SLC2A1: variants seen among roughly 807,000 people sequenced by gnomAD.
SLC2A1 encodes solute carrier family 2, facilitated glucose transporter member 1.
SLC2A1 carries 4 observed loss-of-function variants against 46.6 expected under a neutral mutation model. The observed-to-expected ratio is 0.09, with a 90% CI of 0.04 to 0.20. SLC2A1 has a LOEUF of 0.20. SLC2A1 is among the 10% of genes least tolerant of loss of function. The pLI is 1.00. For missense variants in SLC2A1, 352 were observed against 667.0 expected (o/e 0.53, Z 5.20); for synonymous variants, 253 against 270.0 (o/e 0.94, Z 0.62).
At chr1:42,934,422 G>T (rs979494386) in intron 2 of SLC2A1, among the ~76,000 whole-genome samples, 1 of 152,208 alleles carries the variant, frequency 6.6e-6, no homozygotes, top group Non-Finnish European at 1.5e-5. Flanking sequence ...TGATGCCTGA[G>T]ATTTCTGGGA....
chr1:42,946,353 A>G (rs1643655249), intron 1 of SLC2A1, among the ~76,000 whole-genome samples: 1 of 152,208 alleles, frequency 6.6e-6, no homozygotes, highest in African/African-American at 2.4e-5. Context: ...TCTAGGTCTC[A>G]TGCTAAGTAG....
intron 2 of SLC2A1, among the ~76,000 whole-genome samples, chr1:42,940,149 T>C (rs1404819495): frequency 6.6e-6 from 1 of 152,088 alleles, no homozygotes; most frequent in Non-Finnish European, 1.5e-5. Flanking sequence ...AGCCATACCA[T>C]CATTCCAAAC....
At chr1:42,939,793 C>T (rs56935581) in intron 2 of SLC2A1, among the ~76,000 whole-genome samples, 38,162 of 151,752 alleles carry the variant, frequency 0.25, 5,201 homozygotes, top group African/African-American at 0.35. Flanking sequence ...ACTAAAAACA[C>T]AAAAATTAGC....
rs1468713844 is a variant in SLC2A1 at position 42,925,364 on chromosome 1, G to A, written c.*1677C>T. ...AAACTTCTCCCAGATTTTGTCAGCTGAGCCTCTAGAGACAAATATCTTTGG... is the reference window on the plus strand; with the variant it reads ...AAACTTCTCCCAGATTTTGTCAGCTAAGCCTCTAGAGACAAATATCTTTGG... On this transcript the variant is annotated 3_prime_UTR_variant, in exon 10 of 10. Transcript: ENST00000426263. 2 of 152,192 alleles carry A rather than the reference G, an allele frequency of 1.3e-5. No individual in the cohort carries two copies. The highest frequency in any genetic ancestry group is 4.8e-5 in the African/African-American group (2 of 41,436). 9.4% of individuals were successfully genotyped at this position (152,192 alleles called of 1,614,324 possible). A position where few individuals can be genotyped will look rare whatever the true frequency, so the allele number is the denominator to read the frequency against.
Position 42,955,159 on chromosome 1 carries a change from A to G in SLC2A1, c.18+3475T>C, listed in dbSNP as rs879937940. Among the ~76,000 whole-genome samples the G allele has an allele frequency of 6.6e-4, 100 of 152,260 alleles. 2 individuals are homozygous for G. Among genetic ancestry groups the G allele is most frequent in the Non-Finnish European group, 1.2e-3 (82 of 68,048 alleles). On this transcript the variant is annotated intron_variant, in intron 1 of 9. Coordinates refer to ENST00000426263, the MANE Select transcript of SLC2A1 (RefSeq NM_006516.4). ...CAAGGCCCAGGTACAAGTCACCCAC[A>G]GCCCAGGTAAGGCATCATGGGAGTC...
At position 42,954,919 on chromosome 1, in the gene SLC2A1, G is replaced by C. The variant is rs1350368010; in HGVS notation, c.18+3715C>G. On this transcript the variant is annotated intron_variant, in intron 1 of 9. Transcript: ENST00000426263. The surrounding 1 kb of genome is among the most constrained non-coding windows in gnomAD (Gnocchi z 4.2). Reference sequence around the variant, plus strand: ...GCCTAAGGCAAAAAAGCAAAGCAAAGAAGCCCAAAGCAGCGCAGGGCACTC... The same window carrying C: ...GCCTAAGGCAAAAAAGCAAAGCAAACAAGCCCAAAGCAGCGCAGGGCACTC... Among the ~76,000 whole-genome samples the C allele has an allele frequency of 2.6e-5, 4 of 152,208 alleles. No individual in the cohort carries two copies. Among genetic ancestry groups the C allele is most frequent in the Non-Finnish European group, 5.9e-5 (4 of 68,042 alleles).
chr1:42,958,493 C>G (rs1643805247), intron 1 of SLC2A1, 141 bp downstream of exon 1: 1 of 502,128 alleles, frequency 2.0e-6, no homozygotes, highest in South Asian at 8.4e-5. Flanking sequence ...GGGACCCGCA[C>G]CGAGCCAGGC....
At chr1:42,944,093 G>C (rs1160710985) in intron 1 of SLC2A1, among the ~76,000 whole-genome samples, 2 of 152,222 alleles carry the variant, frequency 1.3e-5, no homozygotes, top group Admixed American at 6.5e-5. Context: ...TATGGACATA[G>C]ACGACATGCT....
rs1380116150 is a variant in SLC2A1 at position 42,926,055 on chromosome 1, A to G, written c.*986T>C. ...GGTACGTGTAAGGGACTGGATCCTG[A>G]GTCGAAGTCTAAGCCGTTGCAGTGG... On this transcript the variant is annotated 3_prime_UTR_variant, in exon 10 of 10. Coordinates refer to ENST00000426263, the MANE Select transcript of SLC2A1 (RefSeq NM_006516.4). 6.6e-6 allele frequency: 1 copy of G among 152,580 alleles called. No homozygotes were observed. The highest frequency in any genetic ancestry group is 1.5e-5 in the Non-Finnish European group (1 of 68,050). The allele number at this position is 152,580 out of a possible 1,614,324, so 9.5% of individuals were successfully genotyped here.
chr1:42,938,128 T>G (rs1055155916), intron 2 of SLC2A1, among the ~76,000 whole-genome samples: 12 of 152,178 alleles, frequency 7.9e-5, no homozygotes, highest in African/African-American at 2.7e-4. Flanking sequence ...GGCAGCTCAG[T>G]CATTTGGGGA....
chr1:42,948,614 T>C (rs17387733), intron 1 of SLC2A1, among the ~76,000 whole-genome samples: 22,090 of 152,192 alleles, frequency 0.15, 1,813 homozygotes, highest in South Asian at 0.18. Context: ...CTCATTTAAA[T>C]GAACTTCTGG....
chr1:42,949,673 T>TAGCAGCAGC (rs200497059), intron 1 of SLC2A1, among the ~76,000 whole-genome samples: 1 of 152,124 alleles, frequency 6.6e-6, no homozygotes, highest in African/African-American at 2.4e-5. Flanking sequence ...CTGGTGCATT[T>TAGCAGCAGC]AGCAGCAGCA....
At chr1:42,943,359 G>A (rs767549442) in intron 1 of SLC2A1, 38 bp from the exon 2 acceptor site, 32 of 1,499,950 alleles carry the variant, frequency 2.1e-5, no homozygotes, top group Non-Finnish European at 9.2e-7. Flanking sequence ...AGGCGTGTCT[G>A]GGAGCAGGTT....
At chr1:42,939,949 T>G (rs1401160861) in intron 2 of SLC2A1, among the ~76,000 whole-genome samples, 1 of 59,862 alleles carries the variant, frequency 1.7e-5, no homozygotes, top group Non-Finnish European at 3.0e-5. Flanking sequence ...CAAGACTCCG[T>G]CTCAAAAAAA....
intron 2 of SLC2A1, among the ~76,000 whole-genome samples, chr1:42,940,370 C>G (rs557293118): frequency 9.8e-5 from 15 of 152,342 alleles, no homozygotes; most frequent in African/African-American, 3.6e-4. Flanking sequence ...TACCCGATGG[C>G]CTTCCTCCAC....
chr1:42,939,982 A>T (rs1643580274), intron 2 of SLC2A1, among the ~76,000 whole-genome samples: 1 of 147,714 alleles, frequency 6.8e-6, no homozygotes. Context: ...AAGGTATCTC[A>T]GTCCCTCCTG....
In SLC2A1 at chr1:42,930,452, G is replaced by T; in HGVS notation, c.516+174C>A. On this transcript the variant is annotated intron_variant, in intron 4 of 9. Coordinates refer to ENST00000426263, the MANE Select transcript of SLC2A1 (RefSeq NM_006516.4). The surrounding 1 kb of genome is among the most constrained non-coding windows in gnomAD (Gnocchi z 6.2). ...CTGAGAAGAGTCAAGTCATCTTGCT[G>T]TCAACTGGGAGGCCATGGTGCTGTG... 1.1e-6 allele frequency: 1 copy of T among 873,134 alleles called. No individual in the cohort carries two copies. The highest frequency in any genetic ancestry group is 1.9e-6 in the Non-Finnish European group (1 of 529,068). The allele number at this position is 873,134 out of a possible 1,614,324, so 54.1% of individuals were successfully genotyped here. A position where few individuals can be genotyped will look rare whatever the true frequency, so the allele number is the denominator to read the frequency against.
chr1:42,954,804 G>A lies in SLC2A1; in HGVS notation c.18+3830C>T, dbSNP rs1643756837. The stretch of plus-strand genomic sequence containing the variant: ...AGGTCACTGTAACTTGTATCACAGG[G>A]CAGTTGTGAGGACCCTTGGAGTTAA... On this transcript the variant is annotated intron_variant, in intron 1 of 9. Coordinates refer to ENST00000426263, the MANE Select transcript of SLC2A1 (RefSeq NM_006516.4). The surrounding 1 kb of genome is among the most constrained non-coding windows in gnomAD (Gnocchi z 4.2). Among the ~76,000 whole-genome samples the A allele has an allele frequency of 6.6e-6, 1 of 152,164 alleles. No homozygotes were observed. The highest frequency in any genetic ancestry group is 2.4e-5 in the African/African-American group (1 of 41,422).
chr1:42,958,768 G>A lies in SLC2A1; in HGVS notation c.-117C>T. 1 of 1,092,704 alleles carries A rather than the reference G, an allele frequency of 9.2e-7. No homozygotes were observed. The highest frequency in any genetic ancestry group is 2.2e-5 in the Admixed American group (1 of 46,284). 67.7% of individuals were successfully genotyped at this position (1,092,704 alleles called of 1,614,324 possible). On this transcript the variant is annotated 5_prime_UTR_variant, in exon 1 of 10. Transcript: ENST00000426263. ...GTCCGGGGACTCCCACTGCGACTCT[G>A]ACTCCGACCCCCGTCGTTTGGTCTC...
Sources: allele counts gnomAD v4.1 joint callset (sites outside exome capture counted in the v4.1 genomes callset), GRCh38; gene constraint gnomAD v4.1.1; non-coding constraint Gnocchi (gnomAD v3.1); transcripts MANE v1.5; gene names NCBI Gene and HGNC (gene_info 2026-07-23, HGNC 2026-07-21).